Variants in MYH6 observed in about 807,000 individuals in gnomAD.
MYH6 encodes the protein myosin-6.
Under a neutral mutation model 223.2 loss-of-function variants are expected in MYH6, and 126 were observed. The ratio of observed to expected loss-of-function variants is 0.56; its 90% CI spans 0.49 to 0.65. MYH6 has a LOEUF of 0.65. MYH6 is among the 30% of genes least tolerant of loss of function. The pLI is 0.00. For missense variants in MYH6, 2,040 were observed against 2,536.4 expected, an observed-to-expected ratio of 0.80 and a Z score of 4.20; for synonymous variants, 978 against 1,010.2, an observed-to-expected ratio of 0.97 and a Z score of 0.61.
chr14:23,397,053 T>A lies in MYH6; in HGVS notation c.2078A>T (p.His693Leu). 1 of 1,614,136 alleles carries A rather than the reference T, an allele frequency of 6.2e-7. No homozygotes were observed. Among genetic ancestry groups the A allele is most frequent in the Non-Finnish European group, 8.5e-7 (1 of 1,180,020 alleles). The change falls in exon 18 of 39, where the codon CAC becomes CTC. Residue 693 changes from histidine to leucine, a missense_variant. His to Leu is a moderately conservative substitution (Grantham distance 99, BLOSUM62 -3). Around this residue, in one of 4 missense-constraint regions of MYH6, gnomAD observed 649 missense variants for 877.3 expected, o/e 0.74. Transcript: ENST00000405093. ...CAGCACGCCATTGCAGCGCAGCTGGTGCATGACCAGGGGGTTGTCCATCAC... is the reference window on the plus strand; with the variant it reads ...CAGCACGCCATTGCAGCGCAGCTGGAGCATGACCAGGGGGTTGTCCATCAC... ...PGVMDNPLVM[H>L]QLRCNGVLEG...
intron 34 of MYH6, 90 bp downstream of exon 34, chr14:23,385,838 A>T (rs985412018): frequency 1.9e-6 from 3 of 1,560,908 alleles, no homozygotes; most frequent in Non-Finnish European, 2.6e-6. Flanking sequence ...GACCCTGGCT[A>T]GATGTGCTCA....
intron 21 of MYH6, 80 bp from the exon 22 acceptor site, chr14:23,393,988 C>T: frequency 6.2e-7 from 1 of 1,613,714 alleles, no homozygotes; most frequent in South Asian, 1.1e-5. Context: ...CACTCCTAGA[C>T]TCCCAGTCCC....
At chr14:23,382,311 T>C in intron 38 of MYH6, 117 bp downstream of exon 38, 3 of 1,478,934 alleles carry the variant, frequency 2.0e-6, no homozygotes, top group Non-Finnish European at 2.8e-6. Flanking sequence ...TTATGTAAGC[T>C]ATGGGACCCT....
chr14:23,402,402 T>A (rs1361044060), intron 12 of MYH6, 62 bp downstream of exon 12: 4 of 1,606,056 alleles, frequency 2.5e-6, no homozygotes, highest in Non-Finnish European at 3.4e-6. Context: ...GGGATCTGAG[T>A]CCCGCAGAGA....
chr14:23,383,341 G>GGGGCCCCCCCCCCCC, intron 36 of MYH6, 21 bp from the exon 37 acceptor site: 1 of 556,580 alleles, frequency 1.8e-6, no homozygotes, highest in Non-Finnish European at 3.3e-6. Context: ...GAGGGTGGGA[G>GGGGCCCCCCCCCCCC]AAGCTGGTTT....
chr14:23,404,738 G>T lies in MYH6; in HGVS notation c.615C>A (p.Gly205=). The T allele has an allele frequency of 1.2e-6, 2 of 1,614,108 alleles. No homozygotes were observed. Among genetic ancestry groups the T allele is most frequent in the Non-Finnish European group, 1.7e-6 (2 of 1,180,002 alleles). Residue 205 remains glycine (G), a synonymous_variant, in exon 7 of 39, where the codon GGC becomes GGA. Coordinates refer to ENST00000405093, the MANE Select transcript of MYH6 (RefSeq NM_002471.4). The part of the protein sequence containing the change: ...FASIAAIGDR[G]KKDNANANKG... ...TGTTCGCATTGGCATTGTCCTTCTTGCCACGGTCACCTATGGCTGCAATGC... is the reference window on the plus strand; with the variant it reads ...TGTTCGCATTGGCATTGTCCTTCTTTCCACGGTCACCTATGGCTGCAATGC...
rs1231975561 is a variant in MYH6 at position 23,386,116 on chromosome 14, G to A, written c.4975C>T (p.Leu1659=). The A allele has an allele frequency of 1.2e-6, 2 of 1,614,250 alleles. No homozygotes were observed. Among genetic ancestry groups the A allele is most frequent in the East Asian group, 2.2e-5 (1 of 44,888 alleles). The stretch of plus-strand genomic sequence containing the variant: ...TCGTTGGCACGGACCGCATCGTCCA[G>A]CTGGATCTGGGTGTCCTGAGCATCA... ...QSLLKDTQIQ[L]DDAVRANDDL... is the part of the protein sequence containing the mutation. Residue 1659 remains leucine (L), a synonymous_variant, in exon 34 of 39, where the codon CTG becomes TTG. Transcript: ENST00000405093.
Position 23,405,281 on chromosome 14 carries a change from A to G in MYH6, c.444T>C (p.Ser148=), listed in dbSNP as rs936994099. ...VVAAYRGKKR[S]EAPPHIFSIS... ...TGGAGAAGATGTGGGGCGGGGCCTCACTCCTCTTCTTGCCCCGGTAGGCGG... is the reference window on the plus strand; with the variant it reads ...TGGAGAAGATGTGGGGCGGGGCCTCGCTCCTCTTCTTGCCCCGGTAGGCGG... Residue 148 remains serine, a synonymous_variant, in exon 5 of 39, where the codon AGT becomes AGC. Transcript: ENST00000405093. This position sits in a 1 kb window ranked among gnomAD's most constrained non-coding sequence, Gnocchi z 4.7. The G allele has an allele frequency of 4.3e-6, 7 of 1,613,792 alleles. No individual in the cohort carries two copies. In the East Asian group the frequency reaches 1.1e-4, roughly 26 times the overall value.
rs147328051 is a variant in MYH6, at chr14:23,388,963, G to A, written c.4071C>T (p.Ala1357=). The A allele has an allele frequency of 2.5e-5, 40 of 1,613,716 alleles. No homozygotes were observed. Among genetic ancestry groups the A allele is most frequent in the Middle Eastern group, 1.7e-4 (1 of 5,730 alleles). Residue 1357 remains alanine, a synonymous_variant, in exon 29 of 39, where the codon GCC becomes GCT. Coordinates refer to ENST00000405093, the MANE Select transcript of MYH6 (RefSeq NM_002471.4). ...EQYEEETEAK[A]ELQRVLSKAN... ...CCTTGGACAGGACGCGCTGCAGCTCGGCCTTGGCCTCTGTCTCCTCCTCGT... is the reference window on the plus strand; with the variant it reads ...CCTTGGACAGGACGCGCTGCAGCTCAGCCTTGGCCTCTGTCTCCTCCTCGT...
intron 30 of MYH6, 77 bp downstream of exon 30, chr14:23,388,078 G>A: frequency 6.2e-7 from 1 of 1,610,524 alleles, no homozygotes; most frequent in Non-Finnish European, 8.5e-7. Context: ...CTCCAAGGAG[G>A]TTGCCTTTGG....
intron 13 of MYH6, 53 bp from the exon 14 acceptor site, chr14:23,400,479 T>A: frequency 6.2e-7 from 1 of 1,613,476 alleles, no homozygotes; most frequent in Non-Finnish European, 8.5e-7. Flanking sequence ...TGAGTGGCCA[T>A]TGGGGCTGTG....
At chr14:23,391,517 G>A (rs1041573780) in intron 25 of MYH6, among the ~76,000 whole-genome samples, 10 of 152,206 alleles carry the variant, frequency 6.6e-5, no homozygotes, top group African/African-American at 2.2e-4. Context: ...TACTAATGAA[G>A]GCGGGCCAGT....
chr14:23,392,188 G>A (rs1053271023), intron 25 of MYH6, among the ~76,000 whole-genome samples: 1 of 151,994 alleles, frequency 6.6e-6, no homozygotes, highest in Non-Finnish European at 1.5e-5. Flanking sequence ...GCAGCTCACA[G>A]GAAGGTGCTC....
chr14:23,390,032 C>T (rs773629240), intron 26 of MYH6, 25 bp downstream of exon 26: 43 of 1,613,352 alleles, frequency 2.7e-5, no homozygotes, highest in East Asian at 1.1e-4. Context: ...GGGGAGAGGG[C>T]GAGGGGAGGC....
At chr14:23,404,241 C>T in intron 8 of MYH6, 55 bp downstream of exon 8, 1 of 1,589,392 alleles carries the variant, frequency 6.3e-7, no homozygotes. Context: ...AAACAGCACC[C>T]CCTTTTTCTT....
At position 23,405,083 on chromosome 14, in the gene MYH6, G is replaced by A; in HGVS notation, c.530+17C>T. 2 of 1,614,092 alleles carry A rather than the reference G, an allele frequency of 1.2e-6. No individual in the cohort carries two copies. The highest frequency in any genetic ancestry group is 1.7e-6 in the Non-Finnish European group (2 of 1,180,026). On this transcript the variant is annotated intron_variant, in intron 6 of 38. Coordinates refer to ENST00000405093, the MANE Select transcript of MYH6 (RefSeq NM_002471.4). The surrounding 1 kb of genome is among the most constrained non-coding windows in gnomAD (Gnocchi z 4.7). ...CCCCAGCCCAGTCCCTTCTGTGGGA[G>A]GATGGCACTCGCTCACGTGATGAGG...
chr14:23,387,804 G>T lies in MYH6; in HGVS notation c.4479C>A (p.Ser1493=). Residue 1493 remains serine, a synonymous_variant, in exon 31 of 39, where the codon TCC becomes TCA. Coordinates refer to ENST00000405093, the MANE Select transcript of MYH6 (RefSeq NM_002471.4). ...LFKLKNAYEE[S]LEHLETFKRE... is the part of the protein sequence containing the mutation. ...GCTTGAAGGTCTCTAGGTGCTCCAG[G>T]GACTCCTCGTAGGCGTTCTTGAGCT... 2 of 1,614,022 alleles carry T rather than the reference G, an allele frequency of 1.2e-6. No homozygotes were observed. The highest frequency in any genetic ancestry group is 1.7e-6 in the Non-Finnish European group (2 of 1,180,014).
chr14:23,401,005 C>A, intron 12 of MYH6, 28 bp from the exon 13 acceptor site: 4 of 1,609,198 alleles, frequency 2.5e-6, no homozygotes, highest in Non-Finnish European at 3.4e-6. Context: ...GATAAGTGAG[C>A]ACTTCCTTTT....
chr14:23,404,650 G>T (rs113152304), intron 7 of MYH6, 61 bp downstream of exon 7: 113 of 1,495,936 alleles, frequency 7.6e-5, no homozygotes, highest in Admixed American at 2.0e-4. Context: ...AGGGTTAGGG[G>T]TAACTCGGGT....
Sources: allele counts gnomAD v4.1 joint callset (sites outside exome capture counted in the v4.1 genomes callset), GRCh38; gene constraint gnomAD v4.1.1; regional missense constraint gnomAD v4.1.1; non-coding constraint Gnocchi (gnomAD v3.1); transcripts MANE v1.5; gene names NCBI Gene and HGNC (gene_info 2026-07-23, HGNC 2026-07-21).